NME9: variants seen among roughly 807,000 people sequenced by gnomAD.
The protein encoded by NME9 is thioredoxin domain-containing protein 6.
NME9 carries 48 observed loss-of-function variants against 44.4 expected under a neutral mutation model. The ratio of observed to expected loss-of-function variants is 1.08; its 90% CI spans 0.86 to 1.37. The LOEUF (loss-of-function observed/expected upper bound fraction) is 1.37. Among genes scored for constraint, NME9 ranks in the 40% most tolerant of loss-of-function variants. The probability of loss-of-function intolerance (pLI) is 0.00; values close to 1 mark genes in which losing one functional copy is unlikely to be tolerated. For synonymous variants in NME9, 139 were observed against 147.1 expected (o/e 0.94, Z 0.40); for missense variants, 325 against 405.2 (o/e 0.80, Z 1.70).
At chr3:138,280,510 T>C (rs934148241) in intron 8 of NME9, among the ~76,000 whole-genome samples, 1 of 150,558 alleles carries the variant, frequency 6.6e-6, no homozygotes, top group Non-Finnish European at 1.5e-5. Flanking sequence ...TTTTTTTTTT[T>C]TGAGACAGTC....
chr3:138,309,280 CAG>C (rs1159177164), intron 6 of NME9, among the ~76,000 whole-genome samples: 2 of 139,722 alleles, frequency 1.4e-5, no homozygotes, highest in African/African-American at 2.7e-5. Flanking sequence ...GCCTGGTTGA[CAG>C]AGTGAGACTT....
chr3:138,315,324 GAA>G (rs1445136565), intron 5 of NME9, among the ~76,000 whole-genome samples: 1 of 152,216 alleles, frequency 6.6e-6, no homozygotes, highest in African/African-American at 2.4e-5. Context: ...CACTCTGGAT[GAA>G]AGAGATGGCT....
intron 8 of NME9, among the ~76,000 whole-genome samples, chr3:138,263,220 T>C (rs1427297352): frequency 6.6e-6 from 1 of 152,268 alleles, no homozygotes. Context: ...ATTATAGTGA[T>C]TATATGTAGC....
intron 1 of NME9, among the ~76,000 whole-genome samples, chr3:138,325,168 GTTAT>G (rs2053701329): frequency 6.6e-6 from 1 of 152,032 alleles, no homozygotes; most frequent in Non-Finnish European, 1.5e-5. Context: ...ACTTTTACAT[GTTAT>G]TTGTCCAGGA....
intron 6 of NME9, among the ~76,000 whole-genome samples, chr3:138,308,179 A>G (rs1471711168): frequency 6.6e-6 from 1 of 152,194 alleles, no homozygotes; most frequent in Non-Finnish European, 1.5e-5. Flanking sequence ...CAGAATCACA[A>G]TCACTGATTT....
chr3:138,302,127 CTTT>C (rs899871113), intron 10 of NME9, among the ~76,000 whole-genome samples: 1 of 152,070 alleles, frequency 6.6e-6, no homozygotes, highest in African/African-American at 2.4e-5. Flanking sequence ...TGACTCCTGC[CTTT>C]TTTTAGCAGG....
intron 8 of NME9, among the ~76,000 whole-genome samples, chr3:138,272,769 G>C (rs1248430287): frequency 6.6e-6 from 1 of 152,182 alleles, no homozygotes; most frequent in African/African-American, 2.4e-5. Context: ...CAGCTACTCA[G>C]GAGACTGAGG....
chr3:138,283,014 A>T (rs954009584), intron 8 of NME9, among the ~76,000 whole-genome samples: 1 of 152,178 alleles, frequency 6.6e-6, no homozygotes, highest in Non-Finnish European at 1.5e-5. Flanking sequence ...TGTCTGTCCC[A>T]CTTCTTGGGC....
intron 8 of NME9, among the ~76,000 whole-genome samples, chr3:138,277,054 A>G (rs566032423): frequency 6.6e-6 from 1 of 152,320 alleles, no homozygotes; most frequent in African/African-American, 2.4e-5. Flanking sequence ...TGAAGACAGT[A>G]TGGTCTTAGC....
chr3:138,264,109 T>C, intron 8 of NME9: 1 of 1,599,206 alleles, frequency 6.3e-7, no homozygotes, highest in Non-Finnish European at 8.5e-7. Flanking sequence ...CTTGTGAAGC[T>C]AATTTTGATT....
chr3:138,319,309 A>G (rs921249109), intron 3 of NME9, among the ~76,000 whole-genome samples, 169 bp downstream of exon 3: 1 of 152,234 alleles, frequency 6.6e-6, no homozygotes, highest in Non-Finnish European at 1.5e-5. Context: ...AGGAACCTTC[A>G]TAACTAGAGA....
chr3:138,264,754 C>T lies in NME9; in HGVS notation c.746-2168G>A, dbSNP rs112210764. Among the ~76,000 whole-genome samples the T allele has an allele frequency of 4.8e-3, 717 of 148,496 alleles. 5 individuals carry two copies. Among genetic ancestry groups the T allele is most frequent in the Non-Finnish European group, 8.4e-3 (549 of 65,614 alleles). ...TCTTTTATTAACTAAGCTTTAGTTA[C>T]TCATCTGATCTCCCTATTTGTTTAA... On this transcript the variant is annotated intron_variant, in intron 8 of 8. Coordinates refer to the NME9 transcript ENST00000317876.
intron 5 of NME9, 88 bp from the exon 6 acceptor site, chr3:138,314,495 C>T (rs1010918733): frequency 1.7e-5 from 13 of 785,178 alleles, no homozygotes; most frequent in Non-Finnish European, 2.5e-5. Context: ...CTAAAAAAAG[C>T]AAAGCTCCAA....
intron 2 of NME9, 102 bp from the exon 3 acceptor site, chr3:138,319,683 C>G (rs1160244921): frequency 3.0e-6 from 2 of 674,380 alleles, no homozygotes; most frequent in Admixed American, 4.6e-5. Context: ...AATGGACATT[C>G]ATTTGCCGGG....
Position 138,318,164 on chromosome 3 carries a change from G to T in NME9, c.251C>A (p.Thr84Asn), listed in dbSNP as rs375990411. The T allele has an allele frequency of 5.0e-6, 8 of 1,608,056 alleles. No homozygotes were observed. In the African/African-American group the frequency reaches 5.3e-5, roughly 11 times the overall value. ...TGTACTTACTGCATAAAACAGAAAG[G>T]TTGGCTCGCACTTCCCTCTGTACTT... ...LEKYRGKCEP[T>N]FLFYAGGELV... Residue 84 changes from threonine to asparagine, a missense_variant, in exon 4 of 11, where the codon ACC (threonine) becomes AAC (asparagine). Coordinates refer to ENST00000333911, the MANE Select transcript of NME9 (RefSeq NM_001349018.2).
intron 8 of NME9, among the ~76,000 whole-genome samples, chr3:138,291,502 T>C (rs112017961): frequency 2.6e-5 from 4 of 152,322 alleles, no homozygotes; most frequent in African/African-American, 9.6e-5. Flanking sequence ...ACTGGAGATA[T>C]AATGGTGAAT....
intron 9 of NME9, 72 bp from the exon 10 acceptor site, chr3:138,303,715 A>G (rs1387933994): frequency 1.4e-6 from 2 of 1,424,464 alleles, no homozygotes; most frequent in Non-Finnish European, 1.9e-6. Flanking sequence ...TTCTGGCAAC[A>G]TGATCACCGA....
intron 8 of NME9, chr3:138,263,691 T>G (rs2047981728): frequency 1.4e-6 from 2 of 1,470,014 alleles, no homozygotes; most frequent in East Asian, 2.3e-5. Flanking sequence ...GCAGTGAAGT[T>G]TGTCACCTTC....
intron 6 of NME9, among the ~76,000 whole-genome samples, chr3:138,307,548 T>C (rs906516349): frequency 3.9e-5 from 6 of 152,250 alleles, no homozygotes; most frequent in African/African-American, 1.4e-4. Context: ...GTATAAATCA[T>C]TTCAAGCAAC....
Sources: gnomAD v4.1 joint callset for allele counts (sites outside exome capture counted in the v4.1 genomes callset) on GRCh38, gnomAD v4.1.1 for gene constraint, MANE v1.5 for transcripts, NCBI Gene and HGNC (gene_info 2026-07-23, HGNC 2026-07-21) for gene names.